The following KIF20A variants were observed in gnomAD, a reference collection of about 807,000 sequenced individuals.
KIF20A encodes kinesin-like protein KIF20A.
In KIF20A, 66 loss-of-function variants were observed where a neutral mutation model predicts 113.0. The ratio of observed to expected loss-of-function variants is 0.58; its 90% CI spans 0.48 to 0.72. The LOEUF is 0.72. Ranked by LOEUF, KIF20A falls within the 30% of genes least tolerant of loss-of-function variation. The probability of loss-of-function intolerance (pLI) is 0.00; values close to 1 mark genes in which losing one functional copy is unlikely to be tolerated. For missense variants in KIF20A, 927 were observed against 1,077.6 expected, an observed-to-expected ratio of 0.86 and a Z score of 1.96; for synonymous variants, 376 against 402.3, an observed-to-expected ratio of 0.93 and a Z score of 0.78.
Position 138,185,100 on chromosome 5 carries a change from A to G in KIF20A, c.1829A>G (p.His610Arg), listed in dbSNP as rs770978962. Residue 610 changes from histidine to arginine, a missense_variant, in exon 15 of 19, where the codon CAT becomes CGT. By Grantham distance (29) the His-to-Arg change is conservative. Transcript: ENST00000394894. ...MQQREQWCSEHLDTQKELLEE... is the reference protein window; with the variant it reads ...MQQREQWCSERLDTQKELLEE... ...TTCTCCTCTGTTTCTGACAGTGAAC[A>G]TTTGGACACCCAAAAGGAACTATTG... is the stretch of plus-strand genomic sequence containing the variant. 2.5e-5 allele frequency: 40 copies of G among 1,612,790 alleles called. No individual in the cohort carries two copies. The Admixed American group carries it at 6.7e-4, about 27-fold the overall frequency.
Position 138,182,422 on chromosome 5 carries a change from T to C in KIF20A, c.475T>C (p.Tyr159His). The C allele has an allele frequency of 1.2e-6, 2 of 1,614,150 alleles. No homozygotes were observed. The highest frequency in any genetic ancestry group is 1.7e-6 in the Non-Finnish European group (2 of 1,180,006). Residue 159 changes from tyrosine (Y) to histidine (H), a missense_variant, in exon 5 of 19, where the codon TAT becomes CAT. Tyr to His is a moderately conservative substitution (Grantham distance 83, BLOSUM62 2). Transcript: ENST00000394894. ...LKGQNWLIYTYGVTNSGKTHT... is the reference protein window; with the variant it reads ...LKGQNWLIYTHGVTNSGKTHT... ...AGGGCAGAACTGGCTCATCTATACATATGGAGTCACTAACTCAGGGAAAAC... is the reference window on the plus strand; with the variant it reads ...AGGGCAGAACTGGCTCATCTATACACATGGAGTCACTAACTCAGGGAAAAC...
chr5:138,186,182 C>G (rs1393891749), intron 17 of KIF20A, 112 bp from the exon 18 acceptor site: 1 of 1,488,756 alleles, frequency 6.7e-7, no homozygotes, highest in Non-Finnish European at 9.2e-7. Flanking sequence ...CTATTTCACT[C>G]AGCTGACTAG....
chr5:138,186,059 A>G lies in KIF20A; in HGVS notation c.2217+7A>G. 6.2e-7 allele frequency: 1 copy of G among 1,611,330 alleles called. No homozygotes were observed. Among genetic ancestry groups the G allele is most frequent in the Non-Finnish European group, 8.5e-7 (1 of 1,177,674 alleles). ...GTTAGAAGAGGGCCAGAAGGTAATTACCACCATTCTCTGTTTACCAAACTC... is the reference window on the plus strand; with the variant it reads ...GTTAGAAGAGGGCCAGAAGGTAATTGCCACCATTCTCTGTTTACCAAACTC... On this transcript the variant is annotated splice_region_variant and intron_variant, in intron 17 of 18. Coordinates refer to ENST00000394894, the MANE Select transcript of KIF20A (RefSeq NM_005733.3).
rs1288859917 is a variant in KIF20A at position 138,186,412 on chromosome 5, A to G, written c.2336A>G (p.Asp779Gly). 6.2e-7 allele frequency: 1 copy of G among 1,612,868 alleles called. No homozygotes were observed. Among genetic ancestry groups the G allele is most frequent in the Non-Finnish European group, 8.5e-7 (1 of 1,179,802 alleles). Residue 779 changes from aspartate (D) to glycine (G), a missense_variant, in exon 18 of 19, where the codon GAT becomes GGT. Transcript: ENST00000394894. ...GKLRQALTTC[D>G]DILIKQDQTL... Reference sequence around the variant, plus strand: ...CTTCGTCAAGCCTTGACCACTTGTGATGACATCTTAATCAAACAGGTTAGG... The same window carrying G: ...CTTCGTCAAGCCTTGACCACTTGTGGTGACATCTTAATCAAACAGGTTAGG...
At chr5:138,182,232 A>G (rs1754671313) in intron 4 of KIF20A, 91 bp from the exon 5 acceptor site, 1 of 1,455,358 alleles carries the variant, frequency 6.9e-7, no homozygotes, top group South Asian at 1.3e-5. Context: ...TCCAGAGCCA[A>G]CCACTCAGGA....
chr5:138,187,237 A>C lies in KIF20A; in HGVS notation c.2497A>C (p.Asn833His). The C allele has an allele frequency of 6.2e-7, 1 of 1,614,170 alleles. No homozygotes were observed. The highest frequency in any genetic ancestry group is 8.5e-7 in the Non-Finnish European group (1 of 1,180,020). ...TTCTGCCAAAAAGCGCCTTGGTACCAACCAGGAAAATCAGCAACCAAACCA... is the reference window on the plus strand; with the variant it reads ...TTCTGCCAAAAAGCGCCTTGGTACCCACCAGGAAAATCAGCAACCAAACCA... Reference protein sequence around the residue: ...QVSAKKRLGTNQENQQPNQQP... With the variant: ...QVSAKKRLGTHQENQQPNQQP... Residue 833 changes from asparagine to histidine, a missense_variant, in exon 19 of 19, where the codon AAC (asparagine) becomes CAC (histidine). By Grantham distance (68) the Asn-to-His change is moderately conservative. Coordinates refer to ENST00000394894, the MANE Select transcript of KIF20A (RefSeq NM_005733.3).
chr5:138,179,488 T>G, intron 1 of KIF20A, 172 bp from the exon 2 acceptor site: 5 of 581,754 alleles, frequency 8.6e-6, no homozygotes. Context: ...TTCTCTCAAT[T>G]GTTCATTAAG....
Position 138,183,451 on chromosome 5 carries a change from C to T in KIF20A, c.1028-19C>T, listed in dbSNP as rs779947203. 8.7e-6 allele frequency: 14 copies of T among 1,611,840 alleles called. No individual in the cohort carries two copies. The highest frequency in any genetic ancestry group is 2.2e-5 in the East Asian group (1 of 44,884). ...AGAGTTGGATGTTCCCATCTTACACCCCTCTCCTTTGGCCCCAGATCTCAA... is the reference window on the plus strand; with the variant it reads ...AGAGTTGGATGTTCCCATCTTACACTCCTCTCCTTTGGCCCCAGATCTCAA... On this transcript the variant is annotated intron_variant, in intron 8 of 18. Transcript: ENST00000394894. The surrounding 1 kb of genome is among the most constrained non-coding windows in gnomAD (Gnocchi z 5.2).
chr5:138,186,872 A>G (rs558005431), intron 18 of KIF20A, among the ~76,000 whole-genome samples: 1 of 152,338 alleles, frequency 6.6e-6, no homozygotes, highest in African/African-American at 2.4e-5. Flanking sequence ...ACTCAAGCTC[A>G]TACTACCTTA....
In KIF20A at chr5:138,182,395, A is replaced by G; in HGVS notation, c.448A>G (p.Lys150Glu). The change falls in exon 5 of 19, where the codon AAA (lysine) becomes GAA (glutamate). Residue 150 changes from lysine to glutamate, a missense_variant. Transcript: ENST00000394894. ...GAAGGAGATGGTAAAGGATGTACTCAAAGGGCAGAACTGGCTCATCTATAC... is the reference window on the plus strand; with the variant it reads ...GAAGGAGATGGTAAAGGATGTACTCGAAGGGCAGAACTGGCTCATCTATAC... ...TVKEMVKDVL[K>E]GQNWLIYTYG... The G allele has an allele frequency of 2.5e-6, 4 of 1,614,096 alleles. No homozygotes were observed. The East Asian group carries it at 6.7e-5, about 27-fold the overall frequency.
chr5:138,181,512 G>T lies in KIF20A; in HGVS notation c.255+1G>T. 6.2e-7 allele frequency: 1 copy of T among 1,614,124 alleles called. No individual in the cohort carries two copies. Among genetic ancestry groups the T allele is most frequent in the Non-Finnish European group, 8.5e-7 (1 of 1,179,958 alleles). ...AGAGTTGGAACGACAGGAAGATCAG[G>T]TAAGTGTCTGAGAAGGGAGGATTCA... On this transcript the variant is annotated splice_donor_variant, in intron 3 of 18. Transcript: ENST00000394894. LOFTEE classifies it high-confidence loss of function.
chr5:138,187,201 C>T lies in KIF20A; in HGVS notation c.2461C>T (p.Gln821Ter). The change falls in exon 19 of 19, where the codon CAA becomes TAA. Residue 821 changes from glutamine (Q) to a stop codon, truncating the protein, a stop_gained. Transcript: ENST00000394894. LOFTEE classifies it high-confidence loss of function. ...AEQYHTVLKL[Q>*]GQVSAKKRLG... ...GCAGTATCATACTGTGTTGAAACTC[C>T]AAGGCCAGGTTTCTGCCAAAAAGCG... 6.2e-7 allele frequency: 1 copy of T among 1,614,146 alleles called. No homozygotes were observed. The highest frequency in any genetic ancestry group is 8.5e-7 in the Non-Finnish European group (1 of 1,180,024).
intron 11 of KIF20A, 32 bp from the exon 12 acceptor site, chr5:138,184,207 T>C (rs968171160): frequency 1.2e-6 from 2 of 1,612,690 alleles, no homozygotes; most frequent in Non-Finnish European, 1.7e-6. Flanking sequence ...GGTGTTCTGC[T>C]CACAGCTCTA....
At chr5:138,181,573 T>C (rs1446567716) in intron 3 of KIF20A, 36 bp from the exon 4 acceptor site, 1 of 1,614,176 alleles carries the variant, frequency 6.2e-7, no homozygotes, top group South Asian at 1.1e-5. Context: ...TTCCCAGGAA[T>C]GCCTTCTGTG....
At chr5:138,187,039 C>T (rs958869240) in intron 18 of KIF20A, 57 bp from the exon 19 acceptor site, 33 of 1,352,082 alleles carry the variant, frequency 2.4e-5, no homozygotes, top group Non-Finnish European at 3.1e-5. Context: ...TTAGCCCTCT[C>T]GTTTCTCTAA....
Position 138,182,717 on chromosome 5 carries a change from C to G in KIF20A, c.646C>G (p.Gln216Glu). 1 of 1,614,006 alleles carries G rather than the reference C, an allele frequency of 6.2e-7. No homozygotes were observed. The highest frequency in any genetic ancestry group is 8.5e-7 in the Non-Finnish European group (1 of 1,180,034). Residue 216 changes from glutamine to glutamate, a missense_variant, in exon 6 of 19, where the codon CAG becomes GAG. Physicochemically the swap from Gln to Glu is conservative, Grantham distance 29. Coordinates refer to ENST00000394894, the MANE Select transcript of KIF20A (RefSeq NM_005733.3). The part of the protein sequence containing the change: ...SNEVIWLDSK[Q>E]IRQEEMKKLS... ...TGAGGTAATCTGGCTAGACAGCAAG[C>G]AGATCCGACAGGAGGAAATGAAGAA...
In KIF20A at chr5:138,182,370, G is replaced by C; in HGVS notation, c.423G>C (p.Val141=). The C allele has an allele frequency of 6.2e-7, 1 of 1,614,198 alleles. No homozygotes were observed. Among genetic ancestry groups the C allele is most frequent in the South Asian group, 1.1e-5 (1 of 91,082 alleles). ...AGGCATCCTTCTTCAACCTAACTGT[G>C]AAGGAGATGGTAAAGGATGTACTCA... ...VGQASFFNLT[V]KEMVKDVLKG... Residue 141 remains valine, a synonymous_variant, in exon 5 of 19, where the codon GTG becomes GTC. Transcript: ENST00000394894.
chr5:138,185,376 G>T, intron 15 of KIF20A, 136 bp from the exon 16 acceptor site: 1 of 897,530 alleles, frequency 1.1e-6, no homozygotes, highest in Non-Finnish European at 1.8e-6. Context: ...GGGTTTAGTT[G>T]GCCAGGAAAT....
At position 138,183,266 on chromosome 5, in the gene KIF20A, C is replaced by T. The variant is rs778118413; in HGVS notation, c.930C>T (p.Asn310=). 1.3e-5 allele frequency: 21 copies of T among 1,614,226 alleles called. No homozygotes were observed. The highest frequency in any genetic ancestry group is 1.8e-5 in the Non-Finnish European group (21 of 1,180,032). Residue 310 remains asparagine, a synonymous_variant, in exon 8 of 19, where the codon AAC becomes AAT. Coordinates refer to ENST00000394894, the MANE Select transcript of KIF20A (RefSeq NM_005733.3). The surrounding 1 kb of genome is among the most constrained non-coding windows in gnomAD (Gnocchi z 5.2). ...GGATCTCATTCTTTGAGATCTACAA[C>T]GAACTGCTTTATGACCTATTAGAAC... ...SIWISFFEIY[N]ELLYDLLEPP...
Sources: gnomAD v4.1 joint callset for allele counts (sites outside exome capture counted in the v4.1 genomes callset) on GRCh38, gnomAD v4.1.1 for gene constraint, Gnocchi (gnomAD v3.1) non-coding constraint, MANE v1.5 for transcripts, NCBI Gene and HGNC (gene_info 2026-07-23, HGNC 2026-07-21) for gene names.